ROBO1: variants seen among roughly 807,000 people sequenced by gnomAD.
The protein encoded by ROBO1 is roundabout guidance receptor 1.
In ROBO1, 149 loss-of-function variants were observed where a neutral mutation model predicts 195.9. The observed-to-expected ratio is 0.76, with a 90% CI of 0.67 to 0.87. The LOEUF (loss-of-function observed/expected upper bound fraction) is 0.87. Among genes scored for constraint, ROBO1 ranks in the 40% least tolerant of loss-of-function variants. The probability of loss-of-function intolerance (pLI) is 0.00; values close to 1 mark genes in which losing one functional copy is unlikely to be tolerated. For missense variants in ROBO1, 1,933 were observed against 2,068.3 expected (o/e 0.93, Z 1.27); for synonymous variants, 816 against 733.2 (o/e 1.11, Z -1.82).
At chr3:79,459,881 T>A (rs1194392663) in intron 2 of ROBO1, among the ~76,000 whole-genome samples, 2 of 152,124 alleles carry the variant, frequency 1.3e-5, no homozygotes, top group East Asian at 3.9e-4. Context: ...ATTCTTTTTT[T>A]TGCCATTACA....
At chr3:79,605,246 C>CTTTTT (rs10659867) in intron 1 of ROBO1, among the ~76,000 whole-genome samples, 1,909 of 147,902 alleles carry the variant, frequency 0.013, 22 homozygotes, top group Middle Eastern at 0.034. Flanking sequence ...TTCCGTATTA[C>CTTTTT]TTTTTTTTTT....
At chr3:78,752,212 G>A in intron 4 of ROBO1, among the ~76,000 whole-genome samples, 1 of 152,022 alleles carries the variant, frequency 6.6e-6, no homozygotes, top group East Asian at 1.9e-4. Flanking sequence ...GACACTCCTA[G>A]TTCCCTGTCT....
intron 2 of ROBO1, among the ~76,000 whole-genome samples, chr3:79,217,869 C>A (rs2082080272): frequency 6.6e-6 from 1 of 151,540 alleles, no homozygotes; most frequent in South Asian, 2.1e-4. Flanking sequence ...GAATTCCAAG[C>A]AAAATTTACT....
At chr3:79,441,915 C>G (rs2039067261) in intron 2 of ROBO1, among the ~76,000 whole-genome samples, 1 of 151,916 alleles carries the variant, frequency 6.6e-6, no homozygotes, top group Non-Finnish European at 1.5e-5. Context: ...CAGTAGTTCT[C>G]TAAATTAATC....
chr3:78,960,849 C>T (rs1310634086), intron 3 of ROBO1, among the ~76,000 whole-genome samples: 3 of 147,360 alleles, frequency 2.0e-5, no homozygotes, highest in East Asian at 2.0e-4. Flanking sequence ...GAAAATGGTA[C>T]AGGGTACAGA....
rs182906452 is a variant in ROBO1, at chr3:79,432,991, T to G, written c.88+156833A>C. On this transcript the variant is annotated intron_variant, in intron 2 of 30. Coordinates refer to ENST00000464233, the MANE Select transcript of ROBO1 (RefSeq NM_002941.4). ...AAATTATGTATAGTTATTTTTAAAA[T>G]GTCATTTTAGAAAACATTTTTTAAA... Among the ~76,000 whole-genome samples the G allele has an allele frequency of 2.9e-3, 448 of 152,328 alleles. 2 individuals carry two copies. Among genetic ancestry groups the G allele is most frequent in the African/African-American group, 9.4e-3 (390 of 41,584 alleles).
intron 3 of ROBO1, among the ~76,000 whole-genome samples, chr3:79,008,395 C>G (rs1049848260): frequency 2.0e-5 from 3 of 151,868 alleles, no homozygotes; most frequent in African/African-American, 7.3e-5. Context: ...TAGTAGTTTA[C>G]TGGGGAATAA....
At chr3:79,399,126 T>C (rs985437197) in intron 2 of ROBO1, among the ~76,000 whole-genome samples, 2 of 152,124 alleles carry the variant, frequency 1.3e-5, no homozygotes, top group African/African-American at 4.8e-5. Context: ...TCCCTTACTA[T>C]GTATGCTTGC....
intron 2 of ROBO1, among the ~76,000 whole-genome samples, chr3:79,572,994 C>G (rs1943331160): frequency 2.0e-5 from 3 of 152,112 alleles, no homozygotes; most frequent in Admixed American, 2.0e-4. Context: ...GTTTTCGAGT[C>G]AGACAATGCA....
intron 2 of ROBO1, among the ~76,000 whole-genome samples, chr3:79,324,469 G>C (rs977572584): frequency 2.0e-5 from 3 of 152,166 alleles, no homozygotes; most frequent in Non-Finnish European, 2.9e-5. Context: ...TGACAAGGTG[G>C]GAAGGGGAGG....
intron 4 of ROBO1, among the ~76,000 whole-genome samples, chr3:78,921,110 A>C (rs2038919691): frequency 6.6e-6 from 1 of 152,244 alleles, no homozygotes; most frequent in Non-Finnish European, 1.5e-5. Context: ...TGCCAGACAC[A>C]TAGTGAACAC....
chr3:79,544,171 A>G (rs544537752), intron 2 of ROBO1, among the ~76,000 whole-genome samples: 31 of 151,992 alleles, frequency 2.0e-4, no homozygotes, highest in Non-Finnish European at 4.3e-4. Flanking sequence ...TAGCCCACTT[A>G]AAGGCTATTT....
chr3:79,730,855 G>A (rs1315468768), intron 1 of ROBO1, among the ~76,000 whole-genome samples: 1 of 135,168 alleles, frequency 7.4e-6, no homozygotes, highest in African/African-American at 2.8e-5. Context: ...TTGGCTCACT[G>A]CAAGCTCCAC....
chr3:78,720,955 G>GGGT (rs1559785951), intron 5 of ROBO1, among the ~76,000 whole-genome samples: 1 of 150,892 alleles, frequency 6.6e-6, no homozygotes, highest in African/African-American at 2.5e-5. Flanking sequence ...GGGGTTGGGG[G>GGGT]GGGGGCGGTG....
At chr3:79,728,522 T>C (rs534005411) in intron 1 of ROBO1, among the ~76,000 whole-genome samples, 88 of 152,308 alleles carry the variant, frequency 5.8e-4, no homozygotes, top group Non-Finnish European at 9.6e-4. Flanking sequence ...AGGTGAAATA[T>C]TTGTAAACCA....
intron 18 of ROBO1, among the ~76,000 whole-genome samples, chr3:78,655,673 G>A (rs918308119): frequency 3.7e-4 from 57 of 152,254 alleles, no homozygotes; most frequent in African/African-American, 1.4e-3. Context: ...TTTATGTATA[G>A]CAATGAAGTT....
chr3:78,838,977 A>G (rs2032970781), intron 4 of ROBO1, among the ~76,000 whole-genome samples: 1 of 152,166 alleles, frequency 6.6e-6, no homozygotes, highest in Admixed American at 6.6e-5. Context: ...CATGTTTTCA[A>G]CTATTTTTAA....
intron 3 of ROBO1, among the ~76,000 whole-genome samples, chr3:78,948,191 G>A (rs2040564704): frequency 1.3e-5 from 2 of 152,184 alleles, no homozygotes; most frequent in Non-Finnish European, 2.9e-5. Flanking sequence ...GCATCATCCT[G>A]ATACCAAAGC....
chr3:78,781,823 T>A lies in ROBO1; in HGVS notation c.500-34923A>T, dbSNP rs530913038. ...TGCTTAAAATTTTAATAAAATCACA[T>A]ATGATGTTTAAAATATACATAATAG... On this transcript the variant is annotated intron_variant, in intron 4 of 30. Coordinates refer to ENST00000464233, the MANE Select transcript of ROBO1 (RefSeq NM_002941.4). Among the ~76,000 whole-genome samples, 14 of 152,276 alleles carry A rather than the reference T, an allele frequency of 9.2e-5. No homozygotes were observed. The East Asian group carries it at 2.7e-3, about 29-fold the overall frequency.
Sources: allele counts gnomAD v4.1 joint callset (sites outside exome capture counted in the v4.1 genomes callset), GRCh38; gene constraint gnomAD v4.1.1; transcripts MANE v1.5; gene names NCBI Gene and HGNC (gene_info 2026-07-23, HGNC 2026-07-21).